NAA38: variants seen among roughly 807,000 people sequenced by gnomAD.
NAA38 encodes LSM domain containing 1.
NAA38 carries 15 observed loss-of-function variants against 12.6 expected under a neutral mutation model. The observed-to-expected ratio is 1.19, with a 90% CI of 0.79 to 1.83. The LOEUF is 1.83. Ranked by LOEUF, NAA38 falls within the 40% of genes most tolerant of loss-of-function variation. The probability of loss-of-function intolerance (pLI) is 0.00; values close to 1 mark genes in which losing one functional copy is unlikely to be tolerated. For missense variants in NAA38, 183 were observed against 171.7 expected (o/e 1.07, Z -0.37); for synonymous variants, 88 against 69.9 (o/e 1.26, Z -1.29).
At chr17:7,875,977 T>C (rs1261874860) in intron 2 of NAA38, among the ~76,000 whole-genome samples, 1 of 152,246 alleles carries the variant, frequency 6.6e-6, no homozygotes, top group African/African-American at 2.4e-5. Context: ...CAGTATTCCA[T>C]TCCTTTTTAC....
intron 1 of NAA38, chr17:7,884,685 ACGC>A (rs1181032894): frequency 8.4e-6 from 3 of 356,654 alleles, no homozygotes; most frequent in Non-Finnish European, 1.5e-5. Flanking sequence ...GAGGAGGAGG[ACGC>A]CGCCGCCGAG....
At chr17:7,866,195 T>C (rs1331327817) in intron 3 of NAA38, 1 of 198,908 alleles carries the variant, frequency 5.0e-6, no homozygotes, top group African/African-American at 2.4e-5. Flanking sequence ...CACGCCATTC[T>C]CCTGCCTCAG....
Position 7,884,457 on chromosome 17 carries a change from C to CATATATAT in NAA38, c.-167+700_-167+707dup, listed in dbSNP as rs377079849. Among the ~76,000 whole-genome samples, 1,285 of 130,798 alleles carry CATATATAT rather than the reference C, an allele frequency of 9.8e-3. 14 individuals carry two copies. The highest frequency in any genetic ancestry group is 0.035 in the Middle Eastern group (9 of 258). The allele number at this position is 130,798 out of a possible 152,430, so 85.8% of individuals were successfully genotyped here. ...GAAGTCGAAAACTTTTATATATATACATATATATATATATATATATGTATA... is the reference window on the plus strand; with the variant it reads ...GAAGTCGAAAACTTTTATATATATACATATATATATATATATATATATATATATGTATA... On this transcript the variant is annotated intron_variant, in intron 1 of 4. Coordinates refer to the NAA38 transcript ENST00000576861.
upstream of NAA38, chr17:7,859,609 G>C (rs1307714728): frequency 6.2e-7 from 1 of 1,613,904 alleles, no homozygotes; most frequent in South Asian, 1.1e-5. Context: ...TCACGGAGTT[G>C]TAGGCAAGGA....
At chr17:7,875,014 A>C (rs1967150550) in intron 2 of NAA38, among the ~76,000 whole-genome samples, 1 of 151,956 alleles carries the variant, frequency 6.6e-6, no homozygotes, top group East Asian at 1.9e-4. Flanking sequence ...TGAACGACAC[A>C]GCGAGATCCC....
intron 2 of NAA38, among the ~76,000 whole-genome samples, chr17:7,876,060 A>G (rs1186190675): frequency 1.3e-5 from 2 of 152,138 alleles, no homozygotes. Flanking sequence ...TTTTGTTTAC[A>G]CTTTTTGGCT....
At chr17:7,868,196 C>T (rs1243182943) in intron 2 of NAA38, among the ~76,000 whole-genome samples, 1 of 152,030 alleles carries the variant, frequency 6.6e-6, no homozygotes, top group Non-Finnish European at 1.5e-5. Context: ...GAAAAGGACA[C>T]CACAAAGGAA....
chr17:7,878,490 G>A (rs139093101), intron 2 of NAA38, among the ~76,000 whole-genome samples: 1 of 152,288 alleles, frequency 6.6e-6, no homozygotes, highest in East Asian at 1.9e-4. Context: ...GGGAGGCCGA[G>A]GCAGGTGGAT....
At chr17:7,872,146 CCTAG>C (rs1226283103) in intron 2 of NAA38, among the ~76,000 whole-genome samples, 3 of 152,084 alleles carry the variant, frequency 2.0e-5, no homozygotes, top group Admixed American at 6.6e-5. Context: ...CAAATATTTT[CCTAG>C]CTAGTCTTTT....
chr17:7,882,544 G>A (rs187964133), intron 2 of NAA38, among the ~76,000 whole-genome samples: 1 of 152,114 alleles, frequency 6.6e-6, no homozygotes, highest in Non-Finnish European at 1.5e-5. Flanking sequence ...GAAAGGGGGG[G>A]ATAACCAGAT....
intron 1 of NAA38, among the ~76,000 whole-genome samples, chr17:7,884,212 TG>T (rs893490388): frequency 2.7e-4 from 40 of 149,014 alleles, no homozygotes; most frequent in Admixed American, 2.4e-3. Flanking sequence ...GGGAGGAGAA[TG>T]GGGGGGTGAA....
intron 2 of NAA38, among the ~76,000 whole-genome samples, chr17:7,872,809 AG>A (rs1367755887): frequency 1.3e-5 from 2 of 152,252 alleles, no homozygotes; most frequent in African/African-American, 4.8e-5. Context: ...ACTGATTTAA[AG>A]TATCACCTTT....
chr17:7,870,018 T>TA (rs1230126078), intron 2 of NAA38, among the ~76,000 whole-genome samples: 1 of 152,198 alleles, frequency 6.6e-6, no homozygotes, highest in Non-Finnish European at 1.5e-5. Flanking sequence ...AAGAAATTGT[T>TA]AAAAAGCAAT....
At chr17:7,883,717 C>T (rs185072164) in intron 1 of NAA38, among the ~76,000 whole-genome samples, 1 of 151,928 alleles carries the variant, frequency 6.6e-6, no homozygotes, top group African/African-American at 2.4e-5. Context: ...TGCGTTGTGA[C>T]TTCAATGAGG....
intron 1 of NAA38, among the ~76,000 whole-genome samples, chr17:7,884,457 CATATAT>C (rs377079849): frequency 5.4e-5 from 7 of 130,834 alleles, no homozygotes; most frequent in African/African-American, 8.6e-5. Flanking sequence ...TATATATATA[CATATAT>C]ATATATATAT....
upstream of NAA38, chr17:7,859,358 G>C (rs1396123761): frequency 1.3e-6 from 2 of 1,592,538 alleles, no homozygotes; most frequent in African/African-American, 2.7e-5. Context: ...AATTCTGGGG[G>C]TGGGGTGCTT....
At chr17:7,884,975 G>A (rs1258471638) in intron 1 of NAA38, 1 of 1,278,616 alleles carries the variant, frequency 7.8e-7, no homozygotes. Flanking sequence ...GCGCGGGCCG[G>A]GCCACGACCG....
Position 7,869,855 on chromosome 17 carries a change from A to T in NAA38, c.-65-3297T>A, listed in dbSNP as rs562589350. Reference sequence around the variant, plus strand: ...AAGAGCAAGTGAAGGGGTAAGAGGAAGCCAGTGTGGGTTAGCATTTCCCAT... The same window carrying T: ...AAGAGCAAGTGAAGGGGTAAGAGGATGCCAGTGTGGGTTAGCATTTCCCAT... On this transcript the variant is annotated intron_variant, in intron 2 of 4. Coordinates refer to the NAA38 transcript ENST00000576861. Among the ~76,000 whole-genome samples the T allele has an allele frequency of 1.3e-4, 20 of 152,294 alleles. 1 individual carries two copies. In the South Asian group the frequency reaches 3.7e-3, roughly 28 times the overall value.
intron 2 of NAA38, among the ~76,000 whole-genome samples, chr17:7,878,991 A>G (rs1288583512): frequency 6.6e-6 from 1 of 150,940 alleles, no homozygotes; most frequent in Non-Finnish European, 1.5e-5. Context: ...GCATATATAC[A>G]TATATTTATC....
Sources: gnomAD v4.1 joint callset for allele counts (sites outside exome capture counted in the v4.1 genomes callset) on GRCh38, gnomAD v4.1.1 for gene constraint, MANE v1.5 for transcripts, NCBI Gene and HGNC (gene_info 2026-07-23, HGNC 2026-07-21) for gene names.